Variants in SYNDIG1L observed in about 807,000 individuals in gnomAD.
SYNDIG1L encodes the protein synapse differentiation-inducing gene protein 1-like.
SYNDIG1L carries 13 observed loss-of-function variants against 20.1 expected under a neutral mutation model. That is an observed-to-expected ratio of 0.65 (90% confidence interval 0.42 to 1.03). The LOEUF (loss-of-function observed/expected upper bound fraction) is 1.03, where lower values mean the gene tolerates loss of function less well. SYNDIG1L is among the 50% of genes least tolerant of loss of function. SYNDIG1L has a pLI of 0.00. For missense variants in SYNDIG1L, 294 were observed against 305.1 expected (o/e 0.96, Z 0.27); for synonymous variants, 128 against 129.3 (o/e 0.99, Z 0.07).
the SYNDIG1L span, chr14:74,474,484 C>T: frequency 6.6e-6 from 1 of 152,270 alleles, no homozygotes; most frequent in African/African-American, 2.4e-5. Flanking sequence ...TCTGCTTTCT[C>T]TCTTTCTCCC....
chr14:74,468,137 C>A, the SYNDIG1L span, among the ~76,000 whole-genome samples: 1 of 152,078 alleles, frequency 6.6e-6, no homozygotes, highest in Non-Finnish European at 1.5e-5. Flanking sequence ...TGTGACTAGA[C>A]CTTGGGAGAG....
chr14:74,468,988 A>G, the SYNDIG1L span, among the ~76,000 whole-genome samples: 1 of 152,064 alleles, frequency 6.6e-6, no homozygotes, highest in Non-Finnish European at 1.5e-5. Context: ...TGCAGTGTGA[A>G]GTGTGTGTCT....
the SYNDIG1L span, among the ~76,000 whole-genome samples, chr14:74,460,105 C>A: frequency 1.3e-5 from 2 of 152,124 alleles, no homozygotes; most frequent in Non-Finnish European, 2.9e-5. Flanking sequence ...CCCTTTGTGC[C>A]TTCTCAGGTG....
At chr14:74,453,042 T>A in the SYNDIG1L span, among the ~76,000 whole-genome samples, 1 of 152,064 alleles carries the variant, frequency 6.6e-6, no homozygotes, top group Non-Finnish European at 1.5e-5. Context: ...TCATCTATAG[T>A]GACACAAAGA....
the SYNDIG1L span, among the ~76,000 whole-genome samples, chr14:74,442,608 A>G: frequency 6.6e-6 from 1 of 152,208 alleles, no homozygotes. Context: ...GGAGGTTAAT[A>G]TTATCAGATT....
chr14:74,447,160 C>A, the SYNDIG1L span, among the ~76,000 whole-genome samples: 2 of 152,190 alleles, frequency 1.3e-5, no homozygotes, highest in Non-Finnish European at 2.9e-5. Flanking sequence ...ACCTCTGTTA[C>A]AACTGTATTA....
chr14:74,467,632 TC>T, the SYNDIG1L span, among the ~76,000 whole-genome samples: 1 of 152,102 alleles, frequency 6.6e-6, no homozygotes, highest in Admixed American at 6.5e-5. Flanking sequence ...ACTGGCAAGC[TC>T]CCATTCAGCC....
At position 74,409,553 on chromosome 14, in the gene SYNDIG1L, C is replaced by T. The variant is rs763735882; in HGVS notation, c.192G>A (p.Val64=). 6.5e-7 allele frequency: 1 copy of T among 1,543,740 alleles called. No individual in the cohort carries two copies. Among genetic ancestry groups the T allele is most frequent in the East Asian group, 2.3e-5 (1 of 43,108 alleles). ...GGCAGCTGGGCCGGTACCAGGCCTC[C>T]ACGGCCAGCTGCAGGGACCCTGGGT... ...LLDPGSLQLA[V]EAWYRPSCLL... is the part of the protein sequence containing the mutation. The change falls in exon 2 of 4, where the codon GTG becomes GTA. Residue 64 remains valine, a synonymous_variant. Coordinates refer to ENST00000331628, the MANE Select transcript of SYNDIG1L (RefSeq NM_001105579.2).
the SYNDIG1L span, among the ~76,000 whole-genome samples, chr14:74,438,826 C>T: frequency 6.6e-6 from 1 of 152,212 alleles, no homozygotes; most frequent in East Asian, 1.9e-4. Flanking sequence ...TGCATTAGCA[C>T]TCTTATCCTT....
At chr14:74,460,837 C>A in the SYNDIG1L span, among the ~76,000 whole-genome samples, 1 of 152,184 alleles carries the variant, frequency 6.6e-6, no homozygotes, top group Admixed American at 6.5e-5. Flanking sequence ...TTAATAGAGA[C>A]AGGGTTTCAC....
the SYNDIG1L span, among the ~76,000 whole-genome samples, chr14:74,456,552 CATAAA>C: frequency 4.6e-5 from 7 of 152,028 alleles, no homozygotes; most frequent in African/African-American, 7.3e-5. Context: ...AACAAAAACC[CATAAA>C]ATAAAATAAA....
the SYNDIG1L span, among the ~76,000 whole-genome samples, chr14:74,436,025 C>A: frequency 2.6e-5 from 4 of 152,104 alleles, no homozygotes; most frequent in African/African-American, 4.8e-5. Context: ...ACTGAGAAAG[C>A]ATTTACTATA....
At chr14:74,430,546 C>T (rs574825838), upstream of SYNDIG1L, among the ~76,000 whole-genome samples, 1 of 151,788 alleles carries the variant, frequency 6.6e-6, no homozygotes, top group East Asian at 2.0e-4. Flanking sequence ...AGCGATTCTC[C>T]TGCCTCTGCC....
the SYNDIG1L span, among the ~76,000 whole-genome samples, chr14:74,447,388 G>A: frequency 3.1e-4 from 47 of 152,174 alleles, no homozygotes; most frequent in East Asian, 8.7e-3. Context: ...TCAGGAGTTC[G>A]AGACCCTGGC....
rs997253324 is a variant in SYNDIG1L, at chr14:74,407,451, G to A, written c.*84C>T. On this transcript the variant is annotated 3_prime_UTR_variant, in exon 4 of 4. Coordinates refer to ENST00000331628, the MANE Select transcript of SYNDIG1L (RefSeq NM_001105579.2). Reference sequence around the variant, plus strand: ...TCTCACGGGATCATCTTCAGGGGCCGGGCCTTTCCATAGGGTCTGCAACTC... The same window carrying A: ...TCTCACGGGATCATCTTCAGGGGCCAGGCCTTTCCATAGGGTCTGCAACTC... 10 of 1,574,574 alleles carry A rather than the reference G, an allele frequency of 6.4e-6. No individual in the cohort carries two copies. The East Asian group carries it at 6.7e-5, about 11-fold the overall frequency.
chr14:74,413,942 G>A (rs1055564745), intron 1 of SYNDIG1L, among the ~76,000 whole-genome samples: 10 of 152,222 alleles, frequency 6.6e-5, no homozygotes, highest in Non-Finnish European at 1.5e-4. Context: ...CACATGGGGA[G>A]TTCGCGGACG....
In SYNDIG1L at chr14:74,407,434, G is replaced by A; in HGVS notation, c.*101C>T. 1 of 1,524,656 alleles carries A rather than the reference G, an allele frequency of 6.6e-7. No homozygotes were observed. Among genetic ancestry groups the A allele is most frequent in the Non-Finnish European group, 8.9e-7 (1 of 1,122,430 alleles). The allele number at this position is 1,524,656 out of a possible 1,614,324, so 94.4% of individuals were successfully genotyped here. A position where few individuals can be genotyped will look rare whatever the true frequency, so the allele number is the denominator to read the frequency against. ...CCCCCTCAGCAAGCCACTCTCACGG[G>A]ATCATCTTCAGGGGCCGGGCCTTTC... On this transcript the variant is annotated 3_prime_UTR_variant, in exon 4 of 4. Coordinates refer to ENST00000331628, the MANE Select transcript of SYNDIG1L (RefSeq NM_001105579.2).
chr14:74,408,011 T>G, intron 2 of SYNDIG1L, 22 bp from the exon 3 acceptor site: 1 of 1,593,152 alleles, frequency 6.3e-7, no homozygotes, highest in Non-Finnish European at 8.5e-7. Context: ...TGGAGTTTGG[T>G]GACCAGGCCC....
the SYNDIG1L span, among the ~76,000 whole-genome samples, chr14:74,431,903 A>G: frequency 1.3e-5 from 2 of 152,034 alleles, no homozygotes; most frequent in South Asian, 4.2e-4. Context: ...TTTTATCTTA[A>G]TTTTTCTCAT....
Sources: allele counts gnomAD v4.1 joint callset (sites outside exome capture counted in the v4.1 genomes callset), GRCh38; gene constraint gnomAD v4.1.1; transcripts MANE v1.5; gene names NCBI Gene and HGNC (gene_info 2026-07-23, HGNC 2026-07-21).